The following SKP1 variants were observed in gnomAD, a reference collection of about 807,000 sequenced individuals.
SKP1 encodes S-phase kinase-associated protein 1.
In SKP1, 1 loss-of-function variant was observed where a neutral mutation model predicts 21.5. The ratio of observed to expected loss-of-function variants is 0.05; its 90% CI spans 0.02 to 0.22. SKP1 has a LOEUF of 0.22. Among genes scored for constraint, SKP1 ranks in the 10% least tolerant of loss-of-function variants. The pLI, the probability that SKP1 is intolerant of heterozygous loss-of-function variation, is 1.00. For synonymous variants in SKP1, 59 were observed against 59.3 expected (o/e 0.99, Z 0.03); for missense variants, 70 against 192.0 (o/e 0.36, Z 3.76).
At chr5:134,174,455 G>A in intron 1 of SKP1, 1 of 993,834 alleles carries the variant, frequency 1.0e-6, no homozygotes, top group Non-Finnish European at 1.2e-6. Flanking sequence ...CCCACAGTGA[G>A]TCCTACCTGT....
chr5:134,168,055 G>T (rs1261178032), intron 2 of SKP1, among the ~76,000 whole-genome samples: 1 of 152,136 alleles, frequency 6.6e-6, no homozygotes, highest in Non-Finnish European at 1.5e-5. Flanking sequence ...AAAAATTGGT[G>T]GCTCCTAACG....
At chr5:134,162,721 G>C (rs1761243079) in intron 3 of SKP1, among the ~76,000 whole-genome samples, 1 of 151,960 alleles carries the variant, frequency 6.6e-6, no homozygotes, top group Admixed American at 6.6e-5. Flanking sequence ...TAGCTTTTTA[G>C]GAAGTATTCC....
rs1434687199 is a variant in SKP1 at position 134,173,308 on chromosome 5, G to A, written c.97+618C>T. On this transcript the variant is annotated intron_variant, in intron 2 of 5. Coordinates refer to ENST00000353411, the MANE Select transcript of SKP1 (RefSeq NM_170679.3). ...GACTGCACCATCGCACTTCAGGTTG[G>A]GCAACAAGAGCAAAAAAATCCGTCT... 4 of 172,856 alleles carry A rather than the reference G, an allele frequency of 2.3e-5. No individual in the cohort carries two copies. In the East Asian group the frequency reaches 6.2e-4, roughly 27 times the overall value. The allele number at this position is 172,856 out of a possible 1,614,324, so 10.7% of individuals were successfully genotyped here. A position where few individuals can be genotyped will look rare whatever the true frequency, so the allele number is the denominator to read the frequency against.
chr5:134,159,946 G>A (rs1043234179), intron 4 of SKP1, among the ~76,000 whole-genome samples: 1 of 151,966 alleles, frequency 6.6e-6, no homozygotes, highest in Non-Finnish European at 1.5e-5. Flanking sequence ...CCCTCCCAAA[G>A]TGTTGGGATC....
chr5:134,156,166 G>A lies in SKP1; in HGVS notation c.*1567C>T, dbSNP rs574085177. 6 of 152,112 alleles carry A rather than the reference G, an allele frequency of 3.9e-5. No individual in the cohort carries two copies. Among genetic ancestry groups the A allele is most frequent in the African/African-American group, 1.4e-4 (6 of 41,486 alleles). 9.4% of individuals were successfully genotyped at this position (152,112 alleles called of 1,614,324 possible). ...TATAATAGCAGGAATTGGTAGATGAGACAATTCAGCTAGGACTATACACCG... is the reference window on the plus strand; with the variant it reads ...TATAATAGCAGGAATTGGTAGATGAAACAATTCAGCTAGGACTATACACCG... On this transcript the variant is annotated 3_prime_UTR_variant, in exon 6 of 6. Coordinates refer to ENST00000353411, the MANE Select transcript of SKP1 (RefSeq NM_170679.3).
Position 134,150,222 on chromosome 5 carries a change from T to C in SKP1, c.*7511A>G, listed in dbSNP as rs907626724. ...AGGTGTCTACTTTAACAGAACCCCATGGATGGACTCTCTTCTGACATGTAA... is the reference window on the plus strand; with the variant it reads ...AGGTGTCTACTTTAACAGAACCCCACGGATGGACTCTCTTCTGACATGTAA... On this transcript the variant is annotated 3_prime_UTR_variant, in exon 6 of 6. Transcript: ENST00000353411. 6.6e-6 allele frequency: 1 copy of C among 152,160 alleles called. No homozygotes were observed. Among genetic ancestry groups the C allele is most frequent in the Non-Finnish European group, 1.5e-5 (1 of 68,036 alleles). The allele number at this position is 152,160 out of a possible 1,614,324, so 9.4% of individuals were successfully genotyped here. A position where few individuals can be genotyped will look rare whatever the true frequency, so the allele number is the denominator to read the frequency against.
chr5:134,173,608 A>C (rs1405606374), intron 2 of SKP1: 3 of 425,722 alleles, frequency 7.0e-6, no homozygotes, highest in African/African-American at 2.1e-5. Flanking sequence ...CAAAGACCTT[A>C]ATTTCTATCA....
intron 3 of SKP1, among the ~76,000 whole-genome samples, chr5:134,163,011 T>G (rs916536591): frequency 2.0e-5 from 3 of 151,984 alleles, no homozygotes; most frequent in African/African-American, 7.2e-5. Flanking sequence ...GCCCAGAAGT[T>G]TGAGACCAGC....
rs772630841 is a variant in SKP1, at chr5:134,151,199, G to T, written c.*6534C>A. ...CCAAGTCTTCCTTTTTCATTCAAGT[G>T]TTCTCATTCTTTTATCTGAAGCCTA... On this transcript the variant is annotated 3_prime_UTR_variant, in exon 6 of 6. Transcript: ENST00000353411. 17 of 152,352 alleles carry T rather than the reference G, an allele frequency of 1.1e-4. No homozygotes were observed. The highest frequency in any genetic ancestry group is 2.3e-4 in the Non-Finnish European group (16 of 68,256). 9.4% of individuals were successfully genotyped at this position (152,352 alleles called of 1,614,324 possible). A position where few individuals can be genotyped will look rare whatever the true frequency, so the allele number is the denominator to read the frequency against.
At chr5:134,163,204 G>C (rs1416905141) in intron 3 of SKP1, among the ~76,000 whole-genome samples, 1 of 73,294 alleles carries the variant, frequency 1.4e-5, no homozygotes, top group Non-Finnish European at 2.3e-5. Flanking sequence ...AAGAGAGTGC[G>C]ATTCTGTCAA....
intron 2 of SKP1, among the ~76,000 whole-genome samples, chr5:134,168,740 GAGTC>G (rs1561722028): frequency 6.6e-6 from 1 of 152,140 alleles, no homozygotes; most frequent in Non-Finnish European, 1.5e-5. Context: ...AATGTGAAAA[GAGTC>G]AGGGTACACT....
intron 2 of SKP1, chr5:134,173,566 T>C: frequency 2.7e-6 from 1 of 370,826 alleles, no homozygotes; most frequent in Non-Finnish European, 5.2e-6. Context: ...GGTGTTCTAT[T>C]CAGCCACCAT....
intron 4 of SKP1, among the ~76,000 whole-genome samples, chr5:134,160,026 A>G (rs149345553): frequency 9.1e-4 from 139 of 152,070 alleles, no homozygotes; most frequent in African/African-American, 3.1e-3. Context: ...TTGGTAATAT[A>G]CACTTGAAAA....
At chr5:134,171,953 A>G (rs1761449412) in intron 2 of SKP1, among the ~76,000 whole-genome samples, 1 of 152,230 alleles carries the variant, frequency 6.6e-6, no homozygotes, top group Non-Finnish European at 1.5e-5. Flanking sequence ...CGGAGGCAGG[A>G]GAAGTGCTTG....
intron 3 of SKP1, 114 bp downstream of exon 3, chr5:134,167,056 T>C (rs917521865): frequency 3.2e-6 from 2 of 627,906 alleles, no homozygotes; most frequent in Non-Finnish European, 2.8e-6. Context: ...CAAATTTAAA[T>C]GTAATTTTAA....
At chr5:134,158,890 C>G (rs1761167562) in intron 4 of SKP1, among the ~76,000 whole-genome samples, 1 of 152,186 alleles carries the variant, frequency 6.6e-6, no homozygotes, top group African/African-American at 2.4e-5. Context: ...AATACCACAT[C>G]AGGTCTTGGC....
rs539643356 is a variant in SKP1 at position 134,156,033 on chromosome 5, C to G, written c.*1700G>C. The G allele has an allele frequency of 2.0e-5, 3 of 150,526 alleles. No homozygotes were observed. The highest frequency in any genetic ancestry group is 2.9e-5 in the Non-Finnish European group (2 of 67,848). 9.3% of individuals were successfully genotyped at this position (150,526 alleles called of 1,614,324 possible). A position where few individuals can be genotyped will look rare whatever the true frequency, so the allele number is the denominator to read the frequency against. ...CTGGTCTTGAACTCCTGGGCTCAAA[C>G]GATCCTCCTGTCTTGTCCTCCCAAA... On this transcript the variant is annotated 3_prime_UTR_variant, in exon 6 of 6. Coordinates refer to ENST00000353411, the MANE Select transcript of SKP1 (RefSeq NM_170679.3).
intron 1 of SKP1, chr5:134,176,543 C>T (rs931891937): frequency 2.0e-5 from 3 of 152,348 alleles, no homozygotes; most frequent in Non-Finnish European, 4.4e-5. Flanking sequence ...CAGCCTGGGC[C>T]TTGCAGCCGA....
chr5:134,157,496 T>G lies in SKP1; in HGVS notation c.*237A>C. The G allele has an allele frequency of 2.2e-6, 1 of 447,492 alleles. No homozygotes were observed. The highest frequency in any genetic ancestry group is 3.8e-5 in the Admixed American group (1 of 26,212). The allele number at this position is 447,492 out of a possible 1,614,324, so 27.7% of individuals were successfully genotyped here. On this transcript the variant is annotated 3_prime_UTR_variant, in exon 6 of 6. Coordinates refer to ENST00000353411, the MANE Select transcript of SKP1 (RefSeq NM_170679.3). ...AATGCCACTTATAGAGAACCCACAG[T>G]TCAGTTTTATTCAGAGCAAAGAAAA...
Sources: allele counts gnomAD v4.1 joint callset (sites outside exome capture counted in the v4.1 genomes callset), GRCh38; gene constraint gnomAD v4.1.1; transcripts MANE v1.5; gene names NCBI Gene and HGNC (gene_info 2026-07-23, HGNC 2026-07-21).